The following SPTBN1 variants were observed in gnomAD, a reference collection of about 807,000 sequenced individuals.
The protein encoded by SPTBN1 is spectrin beta, non-erythrocytic 1.
Under a neutral mutation model 266.4 loss-of-function variants are expected in SPTBN1, and 32 were observed. The observed-to-expected ratio is 0.12, with a 90% CI of 0.09 to 0.16. The LOEUF (loss-of-function observed/expected upper bound fraction) is 0.16. SPTBN1 is among the 10% of genes least tolerant of loss of function. SPTBN1 has a pLI of 1.00. For missense variants in SPTBN1, 2,296 were observed against 3,067.1 expected (o/e 0.75, Z 5.94); for synonymous variants, 1,336 against 1,162.2 (o/e 1.15, Z -3.04).
intron 1 of SPTBN1, among the ~76,000 whole-genome samples, chr2:54,469,372 T>C (rs1244171462): frequency 1.3e-5 from 2 of 150,332 alleles, no homozygotes; most frequent in East Asian, 1.9e-4. Context: ...CAAATGGCCT[T>C]CTTCTGGGGT....
intron 1 of SPTBN1, among the ~76,000 whole-genome samples, chr2:54,467,404 T>C (rs1401786378): frequency 6.6e-6 from 1 of 151,942 alleles, no homozygotes; most frequent in Non-Finnish European, 1.5e-5. Context: ...TTGTTGTTGC[T>C]GTTGTTGGAG....
chr2:54,563,178 G>A (rs79131655), intron 2 of SPTBN1, among the ~76,000 whole-genome samples: 3,783 of 152,278 alleles, frequency 0.025, 146 homozygotes, highest in African/African-American at 0.079. Flanking sequence ...AAGAATGACA[G>A]TGTGAAATGC....
intron 1 of SPTBN1, among the ~76,000 whole-genome samples, chr2:54,472,706 G>C: frequency 6.6e-6 from 1 of 152,094 alleles, no homozygotes; most frequent in East Asian, 1.9e-4. Context: ...GTACCTGGGT[G>C]GGGCTGGGGC....
In SPTBN1 at chr2:54,664,786, A is replaced by C; in HGVS notation, c.6659+95A>C. On this transcript the variant is annotated intron_variant, in intron 33 of 35. Coordinates refer to ENST00000356805, the MANE Select transcript of SPTBN1 (RefSeq NM_003128.3). This position sits in a 1 kb window ranked among gnomAD's most constrained non-coding sequence, Gnocchi z 5.6. ...TGAATTGGAAGAGAAGTATGTGCTC[A>C]TGTAGTTTTATTCCTTTGGTAGCTT... 7.2e-6 allele frequency: 9 copies of C among 1,258,038 alleles called. No individual in the cohort carries two copies. Among genetic ancestry groups the C allele is most frequent in the African/African-American group, 1.5e-5 (1 of 67,334 alleles). 77.9% of individuals were successfully genotyped at this position (1,258,038 alleles called of 1,614,324 possible).
In SPTBN1 at chr2:54,649,935, C is replaced by G; in HGVS notation, c.5523C>G (p.Thr1841=). The G allele has an allele frequency of 6.2e-7, 1 of 1,614,120 alleles. No individual in the cohort carries two copies. Among genetic ancestry groups the G allele is most frequent in the Non-Finnish European group, 8.5e-7 (1 of 1,180,044 alleles). The change falls in exon 26 of 36, where the codon ACC becomes ACG. Residue 1841 remains threonine (T), a synonymous_variant. Transcript: ENST00000356805. The surrounding 1 kb of genome is among the most constrained non-coding windows in gnomAD (Gnocchi z 6.7). The stretch of plus-strand genomic sequence containing the variant: ...GGAGAGATCAGAACACAGTGGAGAC[C>G]TTACAGAGAATGCACACTACATTTG... ...ELGRDQNTVE[T]LQRMHTTFEH...
In SPTBN1 at chr2:54,540,950, A is replaced by G. The variant is rs2104395355; in HGVS notation, c.148+14384A>G. Among the ~76,000 whole-genome samples the G allele has an allele frequency of 6.6e-6, 1 of 152,340 alleles. No homozygotes were observed. The highest frequency in any genetic ancestry group is 6.5e-5 in the Admixed American group (1 of 15,304). ...GCCCCTCACTGTAGAGCACAAGTGG[A>G]GGAGAATGTTGTCGTCGTTTTAACT... On this transcript the variant is annotated intron_variant, in intron 2 of 35. Transcript: ENST00000356805. The surrounding 1 kb of genome is among the most constrained non-coding windows in gnomAD (Gnocchi z 5.6).
At chr2:54,651,509 T>C (rs973544756) in intron 26 of SPTBN1, among the ~76,000 whole-genome samples, 5 of 152,232 alleles carry the variant, frequency 3.3e-5, no homozygotes, top group Non-Finnish European at 7.4e-5. Context: ...GCTTCTTCTT[T>C]GGTTGTTTCC....
intron 2 of SPTBN1, among the ~76,000 whole-genome samples, chr2:54,537,123 C>T (rs1389124786): frequency 2.0e-5 from 3 of 152,124 alleles, no homozygotes; most frequent in African/African-American, 7.2e-5. Flanking sequence ...CTGCTGTGGA[C>T]CTGGAGGCAT....
At chr2:54,518,029 T>A (rs1217575517) in intron 1 of SPTBN1, among the ~76,000 whole-genome samples, 2 of 152,008 alleles carry the variant, frequency 1.3e-5, no homozygotes, top group Non-Finnish European at 2.9e-5. Flanking sequence ...GCTACTTTAA[T>A]AATAGACATT....
At chr2:54,553,801 T>G (rs1208362268) in intron 2 of SPTBN1, among the ~76,000 whole-genome samples, 1 of 152,226 alleles carries the variant, frequency 6.6e-6, no homozygotes, top group Non-Finnish European at 1.5e-5. Context: ...AGTGTCTGGA[T>G]GTTCAGGAAA....
chr2:54,572,105 T>C (rs1336137912), intron 2 of SPTBN1, among the ~76,000 whole-genome samples: 1 of 152,094 alleles, frequency 6.6e-6, no homozygotes, highest in Admixed American at 6.5e-5. Context: ...CTGGGGAATT[T>C]ACTAAACTTT....
intron 2 of SPTBN1, among the ~76,000 whole-genome samples, chr2:54,561,811 T>G (rs1289738421): frequency 7.1e-6 from 1 of 141,534 alleles, no homozygotes; most frequent in Non-Finnish European, 1.5e-5. Flanking sequence ...ATATATAGTT[T>G]ATAGAGATTT....
In SPTBN1 at chr2:54,628,388, G is replaced by A; in HGVS notation, c.1798+138G>A. On this transcript the variant is annotated intron_variant, in intron 13 of 35. Transcript: ENST00000356805. This position sits in a 1 kb window ranked among gnomAD's most constrained non-coding sequence, Gnocchi z 4.3. The stretch of plus-strand genomic sequence containing the variant: ...TCATGGGAGCATGAAATACGGTGGA[G>A]TGGCCTTCTGAACACTAACTCCATC... 5 of 1,117,712 alleles carry A rather than the reference G, an allele frequency of 4.5e-6. No homozygotes were observed. The highest frequency in any genetic ancestry group is 1.9e-5 in the South Asian group (1 of 52,752). The allele number at this position is 1,117,712 out of a possible 1,614,324, so 69.2% of individuals were successfully genotyped here. A position where few individuals can be genotyped will look rare whatever the true frequency, so the allele number is the denominator to read the frequency against.
chr2:54,618,207 G>GGA lies in SPTBN1; in HGVS notation c.763+15_763+16dup, dbSNP rs1385785180. ...TGGACCCCGAAGGTAGGGACTCAAG[G>GGA]GATTACAGGTGGGATTTTTAGCATC... On this transcript the variant is annotated intron_variant, in intron 7 of 35. Transcript: ENST00000356805. The GGA allele has an allele frequency of 6.2e-7, 1 of 1,607,372 alleles. No individual in the cohort carries two copies. Among genetic ancestry groups the GGA allele is most frequent in the African/African-American group, 1.3e-5 (1 of 74,734 alleles).
intron 27 of SPTBN1, among the ~76,000 whole-genome samples, chr2:54,654,844 A>G (rs1680543232): frequency 6.6e-6 from 1 of 152,230 alleles, no homozygotes; most frequent in Non-Finnish European, 1.5e-5. Context: ...CAAAAACAAA[A>G]GCAGCCATAT....
chr2:54,664,394 G>C lies in SPTBN1; in HGVS notation c.6421-59G>C. On this transcript the variant is annotated intron_variant, in intron 32 of 35. Transcript: ENST00000356805. The surrounding 1 kb of genome is among the most constrained non-coding windows in gnomAD (Gnocchi z 5.6). ...GCCACATGTGCGAGTCAGGTAGAGC[G>C]TATGTGGTCACCCCCATGGCTCACG... 6.5e-7 allele frequency: 1 copy of C among 1,528,746 alleles called. No homozygotes were observed. Among genetic ancestry groups the C allele is most frequent in the East Asian group, 2.3e-5 (1 of 44,088 alleles). 94.7% of individuals were successfully genotyped at this position (1,528,746 alleles called of 1,614,324 possible).
chr2:54,509,590 T>G (rs1382688222), intron 1 of SPTBN1, among the ~76,000 whole-genome samples: 1 of 152,184 alleles, frequency 6.6e-6, no homozygotes, highest in Non-Finnish European at 1.5e-5. Context: ...AATCACAAGA[T>G]ATTGAGAGTT....
chr2:54,625,893 A>AT (rs1465992215), intron 11 of SPTBN1, 39 bp from the exon 12 acceptor site: 1 of 1,595,664 alleles, frequency 6.3e-7, no homozygotes, highest in African/African-American at 1.3e-5. Flanking sequence ...GCCCGGGTGG[A>AT]TTTTTTATTT....
intron 2 of SPTBN1, among the ~76,000 whole-genome samples, chr2:54,582,843 C>T (rs938553954): frequency 6.6e-6 from 1 of 152,128 alleles, no homozygotes; most frequent in Non-Finnish European, 1.5e-5. Context: ...GTGCTTGCTT[C>T]GTGACTGTGG....
Sources: allele counts gnomAD v4.1 joint callset (sites outside exome capture counted in the v4.1 genomes callset), GRCh38; gene constraint gnomAD v4.1.1; non-coding constraint Gnocchi (gnomAD v3.1); transcripts MANE v1.5; gene names NCBI Gene and HGNC (gene_info 2026-07-23, HGNC 2026-07-21).